The following CAMK2B variants were observed in gnomAD, a reference collection of about 807,000 sequenced individuals.
CAMK2B encodes the protein calcium/calmodulin-dependent protein kinase type II subunit beta.
Under a neutral mutation model 93.7 loss-of-function variants are expected in CAMK2B, and 27 were observed. The observed-to-expected ratio is 0.29, with a 90% confidence interval of 0.21 to 0.40. The LOEUF (loss-of-function observed/expected upper bound fraction) is 0.40. CAMK2B is among the 10% of genes least tolerant of loss of function. The probability of loss-of-function intolerance (pLI) is 1.00; values close to 1 mark genes in which losing one functional copy is unlikely to be tolerated. For missense variants in CAMK2B, 568 were observed against 895.8 expected, an observed-to-expected ratio of 0.63 and a Z score of 4.67; for synonymous variants, 374 against 358.8, an observed-to-expected ratio of 1.04 and a Z score of -0.48.
At chr7:44,266,251 G>A (rs778851251) in intron 2 of CAMK2B, among the ~76,000 whole-genome samples, 4 of 152,294 alleles carry the variant, frequency 2.6e-5, no homozygotes, top group East Asian at 1.9e-4. Context: ...AGGAAGAGGC[G>A]TTCTCTCTCC....
intron 13 of CAMK2B, among the ~76,000 whole-genome samples, chr7:44,234,950 C>G (rs2096611722): frequency 1.3e-5 from 2 of 152,224 alleles, no homozygotes; most frequent in Admixed American, 6.5e-5. Context: ...CCCGTGGGTG[C>G]TGGGGAGCCC....
chr7:44,267,615 G>A (rs769207842), intron 2 of CAMK2B, among the ~76,000 whole-genome samples: 2 of 152,132 alleles, frequency 1.3e-5, no homozygotes, highest in African/African-American at 2.4e-5. Context: ...ATGCGCACAC[G>A]TGTGTACACA....
intron 5 of CAMK2B, among the ~76,000 whole-genome samples, chr7:44,252,600 C>T (rs931124993): frequency 9.2e-5 from 14 of 151,882 alleles, no homozygotes; most frequent in African/African-American, 3.1e-4. Flanking sequence ...CTGTGGGATC[C>T]GATCTGCTGA....
intron 2 of CAMK2B, among the ~76,000 whole-genome samples, chr7:44,263,504 G>A (rs771614439): frequency 3.3e-5 from 5 of 152,202 alleles, no homozygotes; most frequent in Admixed American, 1.3e-4. Context: ...GCTGGCAGGA[G>A]GAGGAGGGGA....
chr7:44,244,923 C>T (rs757394618), intron 6 of CAMK2B: 8 of 455,880 alleles, frequency 1.8e-5, no homozygotes, highest in East Asian at 7.0e-5. Flanking sequence ...CTGGGGCACA[C>T]GCATCCGTGT....
intron 11 of CAMK2B, 68 bp downstream of exon 11, chr7:44,241,632 C>A: frequency 3.9e-6 from 5 of 1,290,442 alleles, no homozygotes; most frequent in South Asian, 3.7e-5. Context: ...CCCCAAGGCC[C>A]CCCTGCTCCA....
chr7:44,264,458 C>T (rs546790007), intron 2 of CAMK2B, among the ~76,000 whole-genome samples: 1 of 152,274 alleles, frequency 6.6e-6, no homozygotes, highest in East Asian at 1.9e-4. Flanking sequence ...CATCCCCTGG[C>T]TCCCCCCTCC....
intron 2 of CAMK2B, among the ~76,000 whole-genome samples, chr7:44,275,338 G>A (rs1421219117): frequency 1.3e-5 from 2 of 152,224 alleles, no homozygotes; most frequent in African/African-American, 4.8e-5. Context: ...AGAGCAGGAG[G>A]TCATGATGCT....
chr7:44,298,681 A>G (rs1789005287), intron 1 of CAMK2B, among the ~76,000 whole-genome samples: 1 of 152,232 alleles, frequency 6.6e-6, no homozygotes, highest in South Asian at 2.1e-4. Context: ...TCAATAACAA[A>G]GAAACAAACA....
At chr7:44,299,673 G>T (rs1025611002) in intron 1 of CAMK2B, among the ~76,000 whole-genome samples, 2 of 152,080 alleles carry the variant, frequency 1.3e-5, no homozygotes, top group African/African-American at 4.8e-5. Flanking sequence ...ATTTGCAATT[G>T]ACCATTCTTT....
chr7:44,288,016 G>A (rs762279554), intron 1 of CAMK2B, among the ~76,000 whole-genome samples: 2 of 152,240 alleles, frequency 1.3e-5, no homozygotes, highest in Non-Finnish European at 2.9e-5. Flanking sequence ...GTGGGCTGTG[G>A]AGCATGGAGT....
chr7:44,293,629 C>A (rs952556805), intron 1 of CAMK2B, among the ~76,000 whole-genome samples: 1 of 152,184 alleles, frequency 6.6e-6, no homozygotes, highest in Non-Finnish European at 1.5e-5. Context: ...GATTATCAGG[C>A]ATTAGTTAGA....
At chr7:44,259,163 G>A (rs931810399) in intron 3 of CAMK2B, among the ~76,000 whole-genome samples, 1 of 152,162 alleles carries the variant, frequency 6.6e-6, no homozygotes, top group African/African-American at 2.4e-5. Context: ...CAGTGCCACT[G>A]CCCTCAGCTG....
chr7:44,225,001 C>T lies in CAMK2B; in HGVS notation c.1597+1515G>A, dbSNP rs1411520059. Among the ~76,000 whole-genome samples, 1 of 152,110 alleles carries T rather than the reference C, an allele frequency of 6.6e-6. No individual in the cohort carries two copies. The highest frequency in any genetic ancestry group is 1.9e-4 in the East Asian group (1 of 5,172). The stretch of plus-strand genomic sequence containing the variant: ...CAGGAGGGCCACACGAATCTCCATC[C>T]TGCCCTGCTCACAGCTCCTTCCTGC... On this transcript the variant is annotated intron_variant, in intron 20 of 23. Coordinates refer to ENST00000395749, the MANE Select transcript of CAMK2B (RefSeq NM_001220.5). This position sits in a 1 kb window ranked among gnomAD's most constrained non-coding sequence, Gnocchi z 5.0.
chr7:44,278,237 CGAGGG>C (rs2097068019), intron 2 of CAMK2B, among the ~76,000 whole-genome samples: 1 of 152,174 alleles, frequency 6.6e-6, no homozygotes, highest in Admixed American at 6.5e-5. Flanking sequence ...TGGGTATTCA[CGAGGG>C]GTCCTCCGCA....
intron 2 of CAMK2B, among the ~76,000 whole-genome samples, chr7:44,283,893 C>T (rs1451587611): frequency 6.6e-6 from 1 of 152,232 alleles, no homozygotes; most frequent in African/African-American, 2.4e-5. Flanking sequence ...TTGGCACCCC[C>T]ACCAGCCTGG....
At chr7:44,270,407 A>G (rs1442322019) in intron 2 of CAMK2B, among the ~76,000 whole-genome samples, 3 of 152,164 alleles carry the variant, frequency 2.0e-5, no homozygotes, top group Non-Finnish European at 4.4e-5. Context: ...CTCCAGGCTA[A>G]TCCACAGACC....
chr7:44,278,255 AG>A (rs1172233388), intron 2 of CAMK2B, among the ~76,000 whole-genome samples: 1 of 152,224 alleles, frequency 6.6e-6, no homozygotes, highest in Non-Finnish European at 1.5e-5. Flanking sequence ...CCTCCGCAGC[AG>A]GACGCAGAGG....
At chr7:44,259,324 A>G in intron 3 of CAMK2B, 1 of 205,634 alleles carries the variant, frequency 4.9e-6, no homozygotes, top group Non-Finnish European at 1.0e-5. Flanking sequence ...CCCAGAAAGG[A>G]GCTGCCGTGC....
Sources: gnomAD v4.1 joint callset for allele counts (sites outside exome capture counted in the v4.1 genomes callset) on GRCh38, gnomAD v4.1.1 for gene constraint, Gnocchi (gnomAD v3.1) non-coding constraint, MANE v1.5 for transcripts, NCBI Gene and HGNC (gene_info 2026-07-23, HGNC 2026-07-21) for gene names.